SPATA16: variants seen among roughly 807,000 people sequenced by gnomAD.
The protein encoded by SPATA16 is spermatogenesis-associated protein 16.
SPATA16 carries 36 observed loss-of-function variants against 63.3 expected under a neutral mutation model. That is an observed-to-expected ratio of 0.57 (90% CI 0.44 to 0.75). The LOEUF is 0.75. Among genes scored for constraint, SPATA16 ranks in the 30% least tolerant of loss-of-function variants. The pLI is 0.00. For missense variants in SPATA16, 646 were observed against 679.3 expected (o/e 0.95, Z 0.54); for synonymous variants, 203 against 216.7 (o/e 0.94, Z 0.56).
chr3:173,041,336 G>C (rs1208153523), intron 3 of SPATA16, among the ~76,000 whole-genome samples: 1 of 152,104 alleles, frequency 6.6e-6, no homozygotes, highest in Non-Finnish European at 1.5e-5. Flanking sequence ...GAAACAATCA[G>C]TAATCTATGA....
chr3:172,979,293 G>A (rs1345227955), intron 4 of SPATA16, among the ~76,000 whole-genome samples: 1 of 151,750 alleles, frequency 6.6e-6, no homozygotes, highest in East Asian at 1.9e-4. Context: ...CAGCCACAGT[G>A]CCCCTTGGAT....
intron 5 of SPATA16, among the ~76,000 whole-genome samples, chr3:172,965,348 T>A (rs1560081837): frequency 6.6e-6 from 1 of 152,176 alleles, no homozygotes; most frequent in Non-Finnish European, 1.5e-5. Flanking sequence ...TCCAAATATA[T>A]GAAAGGTTCT....
chr3:173,031,059 A>C (rs1735592449), intron 3 of SPATA16, among the ~76,000 whole-genome samples: 1 of 151,976 alleles, frequency 6.6e-6, no homozygotes, highest in Non-Finnish European at 1.5e-5. Flanking sequence ...CAGAATGGTG[A>C]TTGCCAGGGG....
At chr3:173,052,485 T>G (rs918850745) in intron 2 of SPATA16, among the ~76,000 whole-genome samples, 6 of 152,236 alleles carry the variant, frequency 3.9e-5, no homozygotes, top group African/African-American at 1.4e-4. Flanking sequence ...ACAACTTTAC[T>G]GACTATATCG....
At chr3:172,906,013 C>T (rs1012396732) in intron 10 of SPATA16, among the ~76,000 whole-genome samples, 3 of 152,224 alleles carry the variant, frequency 2.0e-5, no homozygotes, top group African/African-American at 7.2e-5. Context: ...TGCTGATCTT[C>T]TCAATGCCAG....
intron 3 of SPATA16, among the ~76,000 whole-genome samples, chr3:173,028,001 CCCTCCCTCCCTCCCTTCCTTCTTTCCTT>C (rs1560100884): frequency 7.9e-5 from 5 of 63,202 alleles, no homozygotes; most frequent in African/African-American, 3.7e-4. Context: ...CTCCCTCCCT[CCCTCCCTCCCTCCCTTCCTTCTTTCCTT>C]CCTTCCTTCC....
intron 3 of SPATA16, among the ~76,000 whole-genome samples, chr3:173,037,863 C>T (rs781479228): frequency 6.6e-6 from 1 of 152,062 alleles, no homozygotes; most frequent in Non-Finnish European, 1.5e-5. Flanking sequence ...TAAGGAAGTA[C>T]AGCAATAACA....
At chr3:172,978,884 A>G (rs951323823) in intron 4 of SPATA16, among the ~76,000 whole-genome samples, 4 of 152,212 alleles carry the variant, frequency 2.6e-5, no homozygotes, top group African/African-American at 7.2e-5. Flanking sequence ...TTTAACTCTA[A>G]AATAAGAAAA....
intron 3 of SPATA16, among the ~76,000 whole-genome samples, chr3:173,026,751 C>T (rs74610143): frequency 0.014 from 2,138 of 151,972 alleles, 23 homozygotes; most frequent in Non-Finnish European, 0.024. Flanking sequence ...GAGTCAATTT[C>T]GGAATGGAAT....
chr3:173,000,718 T>C (rs1488591304), intron 4 of SPATA16, among the ~76,000 whole-genome samples: 1 of 133,666 alleles, frequency 7.5e-6, no homozygotes, highest in African/African-American at 4.0e-5. Flanking sequence ...GTTCTGTGGT[T>C]TTTTTTTTTT....
intron 4 of SPATA16, among the ~76,000 whole-genome samples, chr3:173,007,724 C>A (rs936880840): frequency 1.3e-5 from 2 of 150,706 alleles, no homozygotes; most frequent in East Asian, 1.9e-4. Context: ...AGATTTGTGG[C>A]AAATAGTGAA....
intron 4 of SPATA16, among the ~76,000 whole-genome samples, chr3:172,987,055 G>A (rs896604633): frequency 6.6e-6 from 1 of 152,114 alleles, no homozygotes; most frequent in Non-Finnish European, 1.5e-5. Flanking sequence ...AGAGGAAGAG[G>A]CATTGAAGAA....
At chr3:173,138,353 T>C (rs1738608355) in intron 1 of SPATA16, among the ~76,000 whole-genome samples, 1 of 152,208 alleles carries the variant, frequency 6.6e-6, no homozygotes, top group Admixed American at 6.5e-5. Flanking sequence ...TGTGGAGCTA[T>C]CTTCCTAATA....
chr3:173,107,454 T>TC (rs137955946), intron 2 of SPATA16, among the ~76,000 whole-genome samples: 14,589 of 138,986 alleles, frequency 0.1, 872 homozygotes, highest in East Asian at 0.26. Flanking sequence ...TCTCTCTCTC[T>TC]ATTTTTTTTT....
chr3:173,080,246 C>T (rs951549988), intron 2 of SPATA16, among the ~76,000 whole-genome samples: 6 of 151,994 alleles, frequency 3.9e-5, no homozygotes, highest in African/African-American at 1.2e-4. Flanking sequence ...CAGAATCCAC[C>T]GAAGTATCTT....
At chr3:173,029,758 A>AT (rs1284273784) in intron 3 of SPATA16, among the ~76,000 whole-genome samples, 1 of 151,890 alleles carries the variant, frequency 6.6e-6, no homozygotes, top group African/African-American at 2.4e-5. Flanking sequence ...CACATGGGTA[A>AT]TTTTCTCCCC....
intron 5 of SPATA16, among the ~76,000 whole-genome samples, chr3:172,958,615 C>T (rs985938760): frequency 2.0e-5 from 3 of 152,148 alleles, no homozygotes; most frequent in Non-Finnish European, 2.9e-5. Flanking sequence ...AAAGTACCAC[C>T]AACTGGGTGG....
chr3:173,103,187 G>C (rs1737535818), intron 2 of SPATA16, among the ~76,000 whole-genome samples: 2 of 152,224 alleles, frequency 1.3e-5, no homozygotes, highest in Admixed American at 1.3e-4. Flanking sequence ...GATTACAGTT[G>C]AGTGCATGAT....
Position 173,138,647 on chromosome 3 carries a change from G to A in SPATA16, c.-19+2456C>T, listed in dbSNP as rs138258037. 2.3e-3 allele frequency among the ~76,000 whole-genome samples: 354 copies of A among 152,188 alleles called. 2 individuals carry two copies. Among genetic ancestry groups the A allele is most frequent in the Middle Eastern group, 0.01 (3 of 294 alleles). On this transcript the variant is annotated intron_variant, in intron 1 of 10. Coordinates refer to ENST00000351008, the MANE Select transcript of SPATA16 (RefSeq NM_031955.6). ...TTTCTATTCAGTAATTATAATACAA[G>A]TCTTCCTGAAACATTTCCTTTCAAC...
Sources: gnomAD v4.1 joint callset for allele counts (sites outside exome capture counted in the v4.1 genomes callset) on GRCh38, gnomAD v4.1.1 for gene constraint, MANE v1.5 for transcripts, NCBI Gene and HGNC (gene_info 2026-07-23, HGNC 2026-07-21) for gene names.